Variants in OTUD7A observed in about 807,000 individuals in gnomAD.
The protein encoded by OTUD7A is OTU domain-containing protein 7A.
OTUD7A carries 12 observed loss-of-function variants against 65.7 expected under a neutral mutation model. The observed-to-expected ratio is 0.18, with a 90% CI of 0.12 to 0.30. OTUD7A has a LOEUF of 0.30. OTUD7A is among the 10% of genes least tolerant of loss of function. The probability of loss-of-function intolerance (pLI) is 1.00; values close to 1 mark genes in which losing one functional copy is unlikely to be tolerated. For missense variants in OTUD7A, 1,148 were observed against 1,304.8 expected (o/e 0.88, Z 1.85); for synonymous variants, 641 against 586.3 (o/e 1.09, Z -1.35).
At chr15:31,660,469 G>A (rs1273545940) in intron 1 of OTUD7A, among the ~76,000 whole-genome samples, 1 of 152,208 alleles carries the variant, frequency 6.6e-6, no homozygotes, top group African/African-American at 2.4e-5. Context: ...TTCAGTGCGG[G>A]GGCATGAGTT....
At chr15:31,841,455 T>C (rs1218281225) in intron 1 of OTUD7A, among the ~76,000 whole-genome samples, 2 of 152,078 alleles carry the variant, frequency 1.3e-5, no homozygotes, top group African/African-American at 2.4e-5. Flanking sequence ...TCAGTGACAA[T>C]GTGGTGGCTC....
intron 1 of OTUD7A, among the ~76,000 whole-genome samples, chr15:31,833,229 G>T (rs1896978186): frequency 6.6e-6 from 1 of 152,220 alleles, no homozygotes. Flanking sequence ...GAGCTCCACA[G>T]CTGAGAATTG....
chr15:31,744,228 G>A (rs1328178576), intron 1 of OTUD7A, among the ~76,000 whole-genome samples: 2 of 152,128 alleles, frequency 1.3e-5, no homozygotes, highest in African/African-American at 4.8e-5. Flanking sequence ...ACTTTAAGAA[G>A]ATAAGAGAAA....
At chr15:31,720,236 T>C (rs981801852) in intron 1 of OTUD7A, among the ~76,000 whole-genome samples, 2 of 151,256 alleles carry the variant, frequency 1.3e-5, no homozygotes, top group South Asian at 2.1e-4. Context: ...GTAGCTTCCA[T>C]CTGTGCCACA....
chr15:31,691,504 A>G (rs1892961895), intron 1 of OTUD7A, among the ~76,000 whole-genome samples: 1 of 152,252 alleles, frequency 6.6e-6, no homozygotes, highest in Non-Finnish European at 1.5e-5. Flanking sequence ...AGTCTCTTTA[A>G]TAAATGGTGC....
In OTUD7A at chr15:31,825,533, A is replaced by G. The variant is rs1217151122; in HGVS notation, c.-100+44974T>C. Among the ~76,000 whole-genome samples, 3 of 152,184 alleles carry G rather than the reference A, an allele frequency of 2.0e-5. No individual in the cohort carries two copies. The East Asian group carries it at 5.8e-4, about 29-fold the overall frequency. On this transcript the variant is annotated intron_variant, in intron 1 of 12. Transcript: ENST00000307050. ...AGGAATTCTGGGAGTACAATTCAAG[A>G]TGAGATTTGGGTGGGGACACAGAGC...
intron 3 of OTUD7A, among the ~76,000 whole-genome samples, chr15:31,597,135 C>T (rs1466078995): frequency 1.3e-5 from 2 of 152,022 alleles, no homozygotes; most frequent in African/African-American, 4.8e-5. Flanking sequence ...GCCATGTTGC[C>T]CAGGCTGGTC....
intron 8 of OTUD7A, among the ~76,000 whole-genome samples, chr15:31,522,592 C>T (rs1353067374): frequency 1.3e-5 from 2 of 152,198 alleles, no homozygotes; most frequent in Non-Finnish European, 2.9e-5. Flanking sequence ...CAGCCTCCTT[C>T]TCTGTGATTG....
At chr15:31,742,662 C>A (rs374042377) in intron 1 of OTUD7A, among the ~76,000 whole-genome samples, 10 of 152,000 alleles carry the variant, frequency 6.6e-5, no homozygotes, top group African/African-American at 2.4e-4. Flanking sequence ...AAGTTGCATA[C>A]AGAGCATTTA....
At chr15:31,823,836 T>C (rs1330197932) in intron 1 of OTUD7A, among the ~76,000 whole-genome samples, 2 of 152,146 alleles carry the variant, frequency 1.3e-5, no homozygotes, top group African/African-American at 4.8e-5. Flanking sequence ...AAAATTTGGA[T>C]TTCATTGTGT....
chr15:31,629,883 A>G (rs1017728186), intron 3 of OTUD7A, among the ~76,000 whole-genome samples: 29 of 152,168 alleles, frequency 1.9e-4, no homozygotes, highest in African/African-American at 2.4e-4. Flanking sequence ...TTTGTGTAGA[A>G]GTGTTTGTAG....
intron 1 of OTUD7A, among the ~76,000 whole-genome samples, chr15:31,791,102 C>G (rs1283386753): frequency 6.6e-6 from 1 of 152,184 alleles, no homozygotes; most frequent in Non-Finnish European, 1.5e-5. Flanking sequence ...TCTCGGCTCA[C>G]TGCAACCTCC....
At chr15:31,595,023 A>G (rs980914350) in intron 3 of OTUD7A, among the ~76,000 whole-genome samples, 7 of 152,248 alleles carry the variant, frequency 4.6e-5, no homozygotes, top group Non-Finnish European at 8.8e-5. Context: ...CTCAGGCACC[A>G]AACAGTTCCC....
chr15:31,483,750 C>A lies in OTUD7A; in HGVS notation c.2346G>T (p.Gln782His). 9.1e-7 allele frequency: 1 copy of A among 1,095,364 alleles called. No individual in the cohort carries two copies. Among genetic ancestry groups the A allele is most frequent in the Middle Eastern group, 4.0e-4 (1 of 2,514 alleles). The allele number at this position is 1,095,364 out of a possible 1,614,324, so 67.9% of individuals were successfully genotyped here. The change falls in exon 13 of 13, where the codon CAG becomes CAT. Residue 782 changes from glutamine to histidine, a missense_variant. Physicochemically the swap from Gln to His is conservative, Grantham distance 24 (BLOSUM62 0). Around this residue, in one of 6 missense-constraint regions of OTUD7A, gnomAD observed 842 missense variants for 769.5 expected, o/e 1.09. Coordinates refer to ENST00000307050, the MANE Select transcript of OTUD7A (RefSeq NM_001382637.1). The part of the protein sequence containing the change: ...APARQSVIHV[Q>H]ASGARDEACA... ...ACGCCTCGTCCCGCGCGCCCGACGCCTGCACGTGGATGACGCTCTGGCGCG... is the reference window on the plus strand; with the variant it reads ...ACGCCTCGTCCCGCGCGCCCGACGCATGCACGTGGATGACGCTCTGGCGCG...
rs201534899 is a variant in OTUD7A, at chr15:31,670,623, GGTTT to G, written c.-99-13550_-99-13547del. ...CATATCCTTTGCCCACTTTTTAATG[GGTTT>G]GTTTCTTTCTTGTAAATTTGTTCCT... On this transcript the variant is annotated intron_variant, in intron 1 of 12. Coordinates refer to ENST00000307050, the MANE Select transcript of OTUD7A (RefSeq NM_001382637.1). Among the ~76,000 whole-genome samples, 412 of 152,130 alleles carry G rather than the reference GGTTT, an allele frequency of 2.7e-3. 1 individual carries two copies. Among genetic ancestry groups the G allele is most frequent in the African/African-American group, 9.0e-3 (374 of 41,488 alleles).
intron 1 of OTUD7A, among the ~76,000 whole-genome samples, chr15:31,815,929 C>T (rs1444015803): frequency 6.6e-6 from 1 of 152,242 alleles, no homozygotes; most frequent in African/African-American, 2.4e-5. Flanking sequence ...ACCATGTTCC[C>T]AGCCGGCACA....
At chr15:31,617,459 T>G (rs1051199409) in intron 3 of OTUD7A, among the ~76,000 whole-genome samples, 8 of 151,742 alleles carry the variant, frequency 5.3e-5, no homozygotes, top group Admixed American at 5.3e-4. Flanking sequence ...TGCACTCCCC[T>G]GGTGACAGAG....
intron 1 of OTUD7A, among the ~76,000 whole-genome samples, chr15:31,776,389 C>T (rs1895380750): frequency 6.6e-6 from 1 of 152,200 alleles, no homozygotes. Context: ...TGGATGGTGG[C>T]TGCCAGAATC....
chr15:31,740,064 C>T (rs1373312909), intron 1 of OTUD7A, among the ~76,000 whole-genome samples: 1 of 152,206 alleles, frequency 6.6e-6, no homozygotes, highest in Non-Finnish European at 1.5e-5. Context: ...GAAAAGACAA[C>T]AGAAAAGGGC....
Sources: gnomAD v4.1 joint callset for allele counts (sites outside exome capture counted in the v4.1 genomes callset) on GRCh38, gnomAD v4.1.1 for gene constraint, gnomAD v4.1.1 regional missense constraint, MANE v1.5 for transcripts, NCBI Gene and HGNC (gene_info 2026-07-23, HGNC 2026-07-21) for gene names.